TENM2: variants seen among roughly 807,000 people sequenced by gnomAD.
TENM2 encodes teneurin transmembrane protein 2.
TENM2 carries 52 observed loss-of-function variants against 245.2 expected under a neutral mutation model. The ratio of observed to expected loss-of-function variants is 0.21; its 90% CI spans 0.17 to 0.27. The LOEUF is 0.27. Ranked by LOEUF, TENM2 falls within the 10% of genes least tolerant of loss-of-function variation. TENM2 has a pLI of 1.00. For missense variants in TENM2, 3,046 were observed against 3,666.8 expected (o/e 0.83, Z 4.37); for synonymous variants, 1,363 against 1,438.9 (o/e 0.95, Z 1.19).
intron 2 of TENM2, among the ~76,000 whole-genome samples, chr5:167,591,514 T>C (rs1775874020): frequency 6.6e-6 from 1 of 152,246 alleles, no homozygotes; most frequent in Non-Finnish European, 1.5e-5. Context: ...CAATGGAAGA[T>C]AACTCTAATC....
At chr5:167,887,322 T>C (rs1774366262) in intron 3 of TENM2, among the ~76,000 whole-genome samples, 1 of 152,244 alleles carries the variant, frequency 6.6e-6, no homozygotes, top group South Asian at 2.1e-4. Context: ...CCTTAGCACA[T>C]GGTGCAGGTA....
chr5:168,218,840 T>A lies in TENM2; in HGVS notation c.4949T>A (p.Leu1650His). 1.2e-6 allele frequency: 2 copies of A among 1,614,026 alleles called. No individual in the cohort carries two copies. Among genetic ancestry groups the A allele is most frequent in the African/African-American group, 1.3e-5 (1 of 75,052 alleles). ...AGCAGTGGCATGCCCCGTCACCTGCTCATGCCTGACAACCAGATCATCACC... is the reference window on the plus strand; with the variant it reads ...AGCAGTGGCATGCCCCGTCACCTGCACATGCCTGACAACCAGATCATCACC... Residue 1650 changes from leucine to histidine, a missense_variant, in exon 23 of 29, where the codon CTC (leucine) becomes CAC (histidine). Physicochemically the swap from Leu to His is moderately conservative, Grantham distance 99. Transcript: ENST00000518659. This position sits in a 1 kb window ranked among gnomAD's most constrained non-coding sequence, Gnocchi z 5.2.
At chr5:168,041,585 A>G (rs987157008) in intron 5 of TENM2, among the ~76,000 whole-genome samples, 9 of 152,244 alleles carry the variant, frequency 5.9e-5, no homozygotes, top group Admixed American at 1.3e-4. Context: ...GAAAAAAGGA[A>G]GAAATTTTCA....
chr5:167,946,703 C>T (rs758120360), intron 3 of TENM2, among the ~76,000 whole-genome samples: 13 of 152,252 alleles, frequency 8.5e-5, no homozygotes, highest in East Asian at 1.9e-4. Context: ...GACCTGGGAT[C>T]GTGTGCCAGC....
chr5:167,070,533 A>G, the TENM2 span, among the ~76,000 whole-genome samples: 3 of 152,046 alleles, frequency 2.0e-5, no homozygotes, highest in Non-Finnish European at 4.4e-5. Context: ...ATCATAATAA[A>G]TATTAATAAT....
chr5:168,005,473 C>T (rs181521232), intron 5 of TENM2, among the ~76,000 whole-genome samples: 44 of 152,318 alleles, frequency 2.9e-4, no homozygotes, highest in South Asian at 4.1e-4. Context: ...CTGTCTCACC[C>T]CTCCCCAAAA....
At chr5:168,046,361 C>T (rs768936478) in intron 5 of TENM2, among the ~76,000 whole-genome samples, 3 of 152,164 alleles carry the variant, frequency 2.0e-5, no homozygotes, top group Non-Finnish European at 4.4e-5. Context: ...AACCTGTGTC[C>T]AGTGGAAATG....
intron 12 of TENM2, among the ~76,000 whole-genome samples, chr5:168,131,534 A>G (rs1025489349): frequency 4.6e-5 from 7 of 152,202 alleles, no homozygotes; most frequent in African/African-American, 1.7e-4. Flanking sequence ...TACCCAAGGT[A>G]AAACCAGCCG....
chr5:167,428,388 C>A (rs6895048), intron 2 of TENM2, among the ~76,000 whole-genome samples: 47,800 of 151,962 alleles, frequency 0.31, 10,098 homozygotes, highest in African/African-American at 0.6. Flanking sequence ...TTCTTAAAGA[C>A]TGCTATTGTG....
rs769109508 is a variant in TENM2 at position 168,247,745 on chromosome 5, A to G, written c.6806A>G (p.Tyr2269Cys). The stretch of plus-strand genomic sequence containing the variant: ...CAGTACAAAATTGACGACGATGGCT[A>G]TCTGTGCCAGAGAGGGTCTGACATC... The change falls in exon 27 of 29, where the codon TAT becomes TGT. Residue 2269 changes from tyrosine (Y) to cysteine (C), a missense_variant. Physicochemically the swap from Tyr to Cys is radical, Grantham distance 194. Around this residue, in one of 2 missense-constraint regions of TENM2, gnomAD observed 2,704 missense variants for 3,331.9 expected, o/e 0.81. Coordinates refer to ENST00000518659, the Ensembl canonical transcript of TENM2. The surrounding 1 kb of genome is among the most constrained non-coding windows in gnomAD (Gnocchi z 7.8). 1.8e-5 allele frequency: 29 copies of G among 1,613,812 alleles called. No homozygotes were observed. The highest frequency in any genetic ancestry group is 1.0e-4 in the Admixed American group (6 of 60,004).
At chr5:167,114,154 C>G in the TENM2 span, among the ~76,000 whole-genome samples, 1 of 152,056 alleles carries the variant, frequency 6.6e-6, no homozygotes, top group Non-Finnish European at 1.5e-5. Context: ...TTTTTTTGTT[C>G]TCCATCAAAC....
intron 2 of TENM2, among the ~76,000 whole-genome samples, chr5:167,606,991 A>T (rs1440532203): frequency 6.6e-6 from 1 of 152,132 alleles, no homozygotes; most frequent in Non-Finnish European, 1.5e-5. Context: ...TTGAATTGGA[A>T]CTGCTGCTCT....
At chr5:167,888,082 A>T (rs1774439587) in intron 3 of TENM2, among the ~76,000 whole-genome samples, 1 of 152,208 alleles carries the variant, frequency 6.6e-6, no homozygotes, top group Admixed American at 6.5e-5. Context: ...ATTTATTTGA[A>T]TTAAGTCTGC....
At chr5:167,196,472 A>ATATATATATGTGTG in the TENM2 span, among the ~76,000 whole-genome samples, 4,512 of 148,152 alleles carry the variant, frequency 0.03, 331 homozygotes, top group African/African-American at 0.11. Flanking sequence ...ATATGTGTGT[A>ATATATATATGTGTG]TATATATATG....
the TENM2 span, among the ~76,000 whole-genome samples, chr5:167,170,333 C>T: frequency 3.3e-5 from 5 of 152,280 alleles, no homozygotes; most frequent in East Asian, 1.9e-4. Flanking sequence ...ATCTCAGATA[C>T]AGCAAAGCAA....
At position 168,108,155 on chromosome 5, in the gene TENM2, G is replaced by T. The variant is rs189590828; in HGVS notation, c.1813+10028G>T. On this transcript the variant is annotated intron_variant, in intron 9 of 28. Coordinates refer to ENST00000518659, the Ensembl canonical transcript of TENM2. ...TCTAATTTGTCGGATCAATCATGCA[G>T]CAATAAATCAGCCACCTTTGAGGCA... Among the ~76,000 whole-genome samples the T allele has an allele frequency of 5.9e-5, 9 of 152,316 alleles. No homozygotes were observed. In the East Asian group the frequency reaches 1.7e-3, roughly 29 times the overall value.
chr5:167,550,678 AC>A (rs1228110993), intron 2 of TENM2, among the ~76,000 whole-genome samples: 1 of 133,620 alleles, frequency 7.5e-6, no homozygotes, highest in African/African-American at 2.9e-5. Flanking sequence ...CTACACAATT[AC>A]CTTTTTTTTT....
rs148997283 is a variant in TENM2 at position 168,123,226 on chromosome 5, G to T, written c.2009-1624G>T. 3.2e-4 allele frequency among the ~76,000 whole-genome samples: 48 copies of T among 152,178 alleles called. 1 individual carries two copies. The highest frequency in any genetic ancestry group is 1.1e-3 in the African/African-American group (45 of 41,534). ...AGGCAGTAGGATCACTTGAGCTCAGGTGTTCGAGACTACAATGAGCTATGA... is the reference window on the plus strand; with the variant it reads ...AGGCAGTAGGATCACTTGAGCTCAGTTGTTCGAGACTACAATGAGCTATGA... On this transcript the variant is annotated intron_variant, in intron 10 of 28. Transcript: ENST00000518659.
chr5:167,754,684 CAT>C (rs1391800473), intron 2 of TENM2, among the ~76,000 whole-genome samples: 2 of 148,062 alleles, frequency 1.4e-5, no homozygotes, highest in South Asian at 2.1e-4. Context: ...CCTGCACACA[CAT>C]GTACACACAT....
Sources: gnomAD v4.1 joint callset for allele counts (sites outside exome capture counted in the v4.1 genomes callset) on GRCh38, gnomAD v4.1.1 for gene constraint, gnomAD v4.1.1 regional missense constraint, Gnocchi (gnomAD v3.1) non-coding constraint, MANE v1.5 for transcripts, NCBI Gene and HGNC (gene_info 2026-07-23, HGNC 2026-07-21) for gene names.